The following QKI variants were observed in gnomAD, a reference collection of about 807,000 sequenced individuals.
The protein encoded by QKI is QKI, KH domain containing RNA binding.
QKI carries 10 observed loss-of-function variants against 39.0 expected under a neutral mutation model. The ratio of observed to expected loss-of-function variants is 0.26; its 90% CI spans 0.16 to 0.43. The LOEUF is 0.43. Among genes scored for constraint, QKI ranks in the 20% least tolerant of loss-of-function variants. The pLI is 1.00. For synonymous variants in QKI, 204 were observed against 155.4 expected, an observed-to-expected ratio of 1.31 and a Z score of -2.33; for missense variants, 218 against 428.0, an observed-to-expected ratio of 0.51 and a Z score of 4.33.
chr6:163,463,891 A>G (rs1405002686), intron 2 of QKI, among the ~76,000 whole-genome samples: 1 of 152,008 alleles, frequency 6.6e-6, no homozygotes, highest in Non-Finnish European at 1.5e-5. Context: ...TAAGCAATTC[A>G]CTCTTCTGTA....
chr6:163,429,180 A>C (rs1240036169), intron 1 of QKI, among the ~76,000 whole-genome samples: 3 of 152,166 alleles, frequency 2.0e-5, no homozygotes, highest in Non-Finnish European at 2.9e-5. Context: ...GTTGTTAGAG[A>C]TTTTATGAGA....
chr6:163,480,855 A>G (rs946403263), intron 3 of QKI, among the ~76,000 whole-genome samples: 17 of 152,186 alleles, frequency 1.1e-4, no homozygotes, highest in African/African-American at 3.6e-4. Context: ...GTATGAAAAG[A>G]TTAGTATATA....
intron 4 of QKI, among the ~76,000 whole-genome samples, chr6:163,556,503 C>CAAAAAAAAAAAAAAAAAAAACAAAAA (rs1782625158): frequency 3.6e-5 from 3 of 83,086 alleles, no homozygotes; most frequent in Non-Finnish European, 7.6e-5. Context: ...AATTCCACCT[C>CAAAAAAAAAAAAAAAAAAAACAAAAA]AAAAAAAAAA....
At chr6:163,537,007 G>A (rs1041885505) in intron 4 of QKI, among the ~76,000 whole-genome samples, 4 of 152,052 alleles carry the variant, frequency 2.6e-5, no homozygotes, top group Admixed American at 6.6e-5. Context: ...TCAGGAGTTC[G>A]AGACCAGCCT....
intron 4 of QKI, among the ~76,000 whole-genome samples, chr6:163,548,161 T>C (rs923776468): frequency 2.7e-5 from 3 of 111,908 alleles, no homozygotes; most frequent in African/African-American, 8.1e-5. Flanking sequence ...GTAGAATTAT[T>C]AGAACTGAAT....
chr6:163,482,198 AAAAG>A (rs1286590778), intron 3 of QKI, among the ~76,000 whole-genome samples: 1 of 152,136 alleles, frequency 6.6e-6, no homozygotes, highest in Non-Finnish European at 1.5e-5. Context: ...GGAAAAAAGA[AAAAG>A]AAACTGAATT....
chr6:163,419,517 T>A (rs1055126744), intron 1 of QKI, among the ~76,000 whole-genome samples: 12 of 152,184 alleles, frequency 7.9e-5, no homozygotes, highest in Admixed American at 2.6e-4. Flanking sequence ...ATTGCTTTTG[T>A]ACACAGTCCT....
chr6:163,500,261 A>C lies in QKI; in HGVS notation c.402+21365A>C, dbSNP rs774122256. 7.9e-5 allele frequency among the ~76,000 whole-genome samples: 12 copies of C among 152,154 alleles called. 1 individual carries two copies. Among genetic ancestry groups the C allele is most frequent in the Non-Finnish European group, 1.6e-4 (11 of 68,032 alleles). ...TGATATGATATTTATTTTTAGCAAGAGTTGTCTTTAGCAATTAGAGACATG... is the reference window on the plus strand; with the variant it reads ...TGATATGATATTTATTTTTAGCAAGCGTTGTCTTTAGCAATTAGAGACATG... On this transcript the variant is annotated intron_variant, in intron 3 of 7. Coordinates refer to ENST00000361752, the MANE Select transcript of QKI (RefSeq NM_006775.3).
intron 3 of QKI, among the ~76,000 whole-genome samples, chr6:163,517,905 G>A (rs887949214): frequency 1.3e-5 from 2 of 152,128 alleles, no homozygotes; most frequent in Non-Finnish European, 2.9e-5. Context: ...ATTTCTAGAA[G>A]GTTAAGGTAA....
chr6:163,527,801 A>G (rs1331314317), intron 3 of QKI, among the ~76,000 whole-genome samples: 5 of 152,200 alleles, frequency 3.3e-5, no homozygotes, highest in Non-Finnish European at 7.4e-5. Context: ...AAATTTAGTT[A>G]TAAACAATGG....
intron 1 of QKI, among the ~76,000 whole-genome samples, chr6:163,447,503 T>C (rs1790244661): frequency 6.6e-6 from 1 of 152,158 alleles, no homozygotes; most frequent in Admixed American, 6.5e-5. Context: ...TCATCTCTTC[T>C]CCTACTCATC....
At chr6:163,426,387 T>C (rs1788407891) in intron 1 of QKI, among the ~76,000 whole-genome samples, 1 of 152,236 alleles carries the variant, frequency 6.6e-6, no homozygotes, top group Non-Finnish European at 1.5e-5. Context: ...TAGGTGCTGC[T>C]GTGTACTTTG....
intron 1 of QKI, among the ~76,000 whole-genome samples, chr6:163,422,072 C>G (rs1788037861): frequency 6.6e-6 from 1 of 152,146 alleles, no homozygotes; most frequent in South Asian, 2.1e-4. Flanking sequence ...AAGCTCTAAA[C>G]TGTTTATTAC....
At chr6:163,440,098 C>G (rs1484241053) in intron 1 of QKI, among the ~76,000 whole-genome samples, 3 of 151,744 alleles carry the variant, frequency 2.0e-5, no homozygotes, top group Non-Finnish European at 4.4e-5. Context: ...CTTTTTTGTT[C>G]TTTACTTTAT....
intron 3 of QKI, among the ~76,000 whole-genome samples, chr6:163,494,067 C>A (rs181379101): frequency 6.6e-6 from 1 of 152,076 alleles, no homozygotes; most frequent in Non-Finnish European, 1.5e-5. Flanking sequence ...TTGCTGTATA[C>A]CTTGGCCCTC....
chr6:163,568,993 G>T (rs1323943113), intron 7 of QKI: 16 of 985,288 alleles, frequency 1.6e-5, no homozygotes, highest in East Asian at 1.1e-4. Flanking sequence ...AAAGAAGTCA[G>T]AGTTTTTTCT....
At chr6:163,493,961 TTTC>T (rs1778232357) in intron 3 of QKI, among the ~76,000 whole-genome samples, 1 of 151,860 alleles carries the variant, frequency 6.6e-6, no homozygotes, top group African/African-American at 2.4e-5. Flanking sequence ...CACTTTGTAT[TTTC>T]TTTTCATCCT....
intron 1 of QKI, among the ~76,000 whole-genome samples, chr6:163,416,970 G>A (rs1326899063): frequency 6.6e-6 from 1 of 151,720 alleles, no homozygotes; most frequent in Non-Finnish European, 1.5e-5. Context: ...AAATGTGAGC[G>A]CTAAGGGGCG....
At chr6:163,567,554 A>G in intron 7 of QKI, 1 of 984,110 alleles carries the variant, frequency 1.0e-6, no homozygotes, top group Non-Finnish European at 1.2e-6. Flanking sequence ...TGACTGGAAA[A>G]TAAGTCTTCA....
Sources: allele counts gnomAD v4.1 joint callset (sites outside exome capture counted in the v4.1 genomes callset), GRCh38; gene constraint gnomAD v4.1.1; transcripts MANE v1.5; gene names NCBI Gene and HGNC (gene_info 2026-07-23, HGNC 2026-07-21).